The following MSRA variants were observed in gnomAD, a reference collection of about 807,000 sequenced individuals.
MSRA encodes the protein methionine sulfoxide reductase A, also known as mitochondrial peptide methionine sulfoxide reductase.
MSRA carries 54 observed loss-of-function variants against 31.3 expected under a neutral mutation model. That is an observed-to-expected ratio of 1.73 (90% CI 1.39 to 2.17). The LOEUF (loss-of-function observed/expected upper bound fraction) is 2.17, where lower values mean the gene tolerates loss of function less well. Ranked by LOEUF, MSRA falls within the 30% of genes most tolerant of loss-of-function variation. The pLI, the probability that MSRA is intolerant of heterozygous loss-of-function variation, is 0.00. For synonymous variants in MSRA, 169 were observed against 116.5 expected (o/e 1.45, Z -2.90); for missense variants, 507 against 300.9 (o/e 1.69, Z -5.07).
At chr8:10,061,553 G>A (rs1241247655) in intron 1 of MSRA, among the ~76,000 whole-genome samples, 1 of 151,936 alleles carries the variant, frequency 6.6e-6, no homozygotes, top group Non-Finnish European at 1.5e-5. Context: ...ATCTCCCCAC[G>A]TAGTGAGCTC....
intron 4 of MSRA, among the ~76,000 whole-genome samples, chr8:10,317,638 C>A (rs1368185667): frequency 6.6e-6 from 1 of 152,202 alleles, no homozygotes; most frequent in Non-Finnish European, 1.5e-5. Context: ...ATTTTAAGCA[C>A]AAGGTGTTGT....
chr8:10,365,904 C>T (rs946369529), intron 5 of MSRA, among the ~76,000 whole-genome samples: 21 of 152,332 alleles, frequency 1.4e-4, no homozygotes, highest in African/African-American at 5.1e-4. Flanking sequence ...GCTCTCCATC[C>T]CTTCCTACCT....
chr8:10,259,838 C>G (rs763752806), intron 3 of MSRA, among the ~76,000 whole-genome samples: 63 of 152,198 alleles, frequency 4.1e-4, no homozygotes, highest in Non-Finnish European at 8.1e-4. Context: ...CGGCTTCTTC[C>G]ATGGCAGTCG....
At chr8:10,396,536 G>A (rs1807109251) in intron 5 of MSRA, among the ~76,000 whole-genome samples, 1 of 152,166 alleles carries the variant, frequency 6.6e-6, no homozygotes. Context: ...GTGTGTCCTG[G>A]CTATTAAACC....
chr8:10,123,643 T>C (rs943778978), intron 1 of MSRA, among the ~76,000 whole-genome samples: 2 of 152,160 alleles, frequency 1.3e-5, no homozygotes, highest in Non-Finnish European at 2.9e-5. Flanking sequence ...TTTTATAGTT[T>C]TGAGGTTTAC....
At chr8:10,097,134 A>C (rs1421517952) in intron 1 of MSRA, among the ~76,000 whole-genome samples, 1 of 152,222 alleles carries the variant, frequency 6.6e-6, no homozygotes, top group Admixed American at 6.5e-5. Flanking sequence ...AATTATAGTG[A>C]CACATCAGCA....
intron 5 of MSRA, among the ~76,000 whole-genome samples, chr8:10,406,459 G>A (rs1383825085): frequency 6.6e-6 from 1 of 152,188 alleles, no homozygotes; most frequent in East Asian, 1.9e-4. Context: ...AGGAAAGTGG[G>A]GCATCCTTTC....
intron 4 of MSRA, among the ~76,000 whole-genome samples, chr8:10,316,362 G>A (rs979998544): frequency 1.3e-5 from 2 of 152,124 alleles, no homozygotes; most frequent in Admixed American, 6.5e-5. Context: ...CTGAGTGTCA[G>A]TTTCACCTTT....
intron 5 of MSRA, among the ~76,000 whole-genome samples, chr8:10,346,807 T>C (rs1803807137): frequency 6.6e-6 from 1 of 152,202 alleles, no homozygotes; most frequent in Non-Finnish European, 1.5e-5. Context: ...GTCCTTGCCA[T>C]TTGGGGCTGA....
At chr8:10,232,587 C>G (rs2975734) in intron 2 of MSRA, among the ~76,000 whole-genome samples, 52,710 of 152,084 alleles carry the variant, frequency 0.35, 9,719 homozygotes, top group Non-Finnish European at 0.43. Context: ...TCAAAATTTG[C>G]AGTGTCAATG....
rs374835858 is a variant in MSRA, at chr8:10,399,360, C to A, written c.544-28788C>A. 1.3e-4 allele frequency among the ~76,000 whole-genome samples: 20 copies of A among 152,252 alleles called. 1 individual carries two copies. In the East Asian group the frequency reaches 3.1e-3, roughly 24 times the overall value. On this transcript the variant is annotated intron_variant, in intron 5 of 5. Coordinates refer to ENST00000317173, the MANE Select transcript of MSRA (RefSeq NM_012331.5). Reference sequence around the variant, plus strand: ...GTTAAAATGTGACCTCCAGTGTTGGCGGTGGGCCTGGTGCCAGGTATAGGA... The same window carrying A: ...GTTAAAATGTGACCTCCAGTGTTGGAGGTGGGCCTGGTGCCAGGTATAGGA...
intron 1 of MSRA, among the ~76,000 whole-genome samples, chr8:10,146,269 G>C (rs1803140545): frequency 2.0e-5 from 3 of 152,188 alleles, no homozygotes; most frequent in Admixed American, 1.3e-4. Context: ...AGAGAAGAGA[G>C]AGTGAAGGTT....
chr8:10,174,394 G>A (rs1207080089), intron 1 of MSRA, among the ~76,000 whole-genome samples: 4 of 152,016 alleles, frequency 2.6e-5, no homozygotes, highest in East Asian at 1.9e-4. Flanking sequence ...GAGGCTTCCC[G>A]GGAGCAAGTC....
chr8:10,194,137 G>A (rs1019327949), intron 1 of MSRA, among the ~76,000 whole-genome samples: 4 of 152,158 alleles, frequency 2.6e-5, no homozygotes, highest in Non-Finnish European at 5.9e-5. Context: ...GCTGCTGTAC[G>A]AGTCTCACTC....
At chr8:10,253,027 A>C (rs1006329104) in intron 3 of MSRA, among the ~76,000 whole-genome samples, 1 of 152,206 alleles carries the variant, frequency 6.6e-6, no homozygotes, top group Non-Finnish European at 1.5e-5. Context: ...AGGTATCCCA[A>C]GTTTGCCCAG....
intron 5 of MSRA, among the ~76,000 whole-genome samples, chr8:10,361,889 G>A (rs909358655): frequency 6.6e-6 from 1 of 152,058 alleles, no homozygotes; most frequent in African/African-American, 2.4e-5. Context: ...GGTTTTCTTA[G>A]TTTTGAACTT....
intron 5 of MSRA, among the ~76,000 whole-genome samples, chr8:10,412,778 A>G (rs371504937): frequency 1.2e-4 from 18 of 152,350 alleles, no homozygotes; most frequent in African/African-American, 3.8e-4. Flanking sequence ...ATGCTACTCT[A>G]CAGCAGTTAG....
At chr8:10,410,570 AT>A (rs1808095835) in intron 5 of MSRA, among the ~76,000 whole-genome samples, 1 of 152,178 alleles carries the variant, frequency 6.6e-6, no homozygotes, top group Non-Finnish European at 1.5e-5. Flanking sequence ...TAGATATCTT[AT>A]CCCCCTCTTA....
At chr8:10,373,699 GC>G (rs1017120403) in intron 5 of MSRA, among the ~76,000 whole-genome samples, 2 of 152,230 alleles carry the variant, frequency 1.3e-5, no homozygotes, top group Non-Finnish European at 2.9e-5. Flanking sequence ...GGCACAGGGG[GC>G]AACACCAGGA....
Sources: allele counts gnomAD v4.1 joint callset (sites outside exome capture counted in the v4.1 genomes callset), GRCh38; gene constraint gnomAD v4.1.1; transcripts MANE v1.5; gene names NCBI Gene and HGNC (gene_info 2026-07-23, HGNC 2026-07-21).